Variants in SLC25A20 observed in about 807,000 individuals in gnomAD.
SLC25A20 encodes the protein mitochondrial carnitine/acylcarnitine carrier protein.
A neutral mutation model predicts 39.7 loss-of-function variants in SLC25A20; 29 were observed. The ratio of observed to expected loss-of-function variants is 0.73; its 90% CI spans 0.54 to 1.00. The LOEUF is 1.00. Among genes scored for constraint, SLC25A20 ranks in the 50% least tolerant of loss-of-function variants. SLC25A20 has a pLI of 0.00. For synonymous variants in SLC25A20, 103 were observed against 142.2 expected, an observed-to-expected ratio of 0.72 and a Z score of 1.96; for missense variants, 333 against 379.9, an observed-to-expected ratio of 0.88 and a Z score of 1.03.
chr3:48,865,371 C>T (rs2083658288), intron 4 of SLC25A20, among the ~76,000 whole-genome samples: 1 of 151,898 alleles, frequency 6.6e-6, no homozygotes, highest in South Asian at 2.1e-4. Flanking sequence ...CGTGATCCAT[C>T]CGCCTCGGCC....
chr3:48,898,815 C>G lies in SLC25A20; in HGVS notation c.-21G>C. On this transcript the variant is annotated 5_prime_UTR_variant, in exon 1 of 9. Coordinates refer to ENST00000319017, the MANE Select transcript of SLC25A20 (RefSeq NM_000387.6). Reference sequence around the variant, plus strand: ...GCCATGGTCAGTCCGTCTGTCACTCCGTCTGTCAGTTCTCGGGCCGTCCTG... The same window carrying G: ...GCCATGGTCAGTCCGTCTGTCACTCGGTCTGTCAGTTCTCGGGCCGTCCTG... 6.4e-7 allele frequency: 1 copy of G among 1,551,218 alleles called. No individual in the cohort carries two copies. The highest frequency in any genetic ancestry group is 8.7e-7 in the Non-Finnish European group (1 of 1,146,264).
At chr3:48,860,785 C>T (rs572921445) in intron 5 of SLC25A20, among the ~76,000 whole-genome samples, 7 of 147,386 alleles carry the variant, frequency 4.7e-5, no homozygotes, top group African/African-American at 1.7e-4. Context: ...AAGACTCTGT[C>T]TCAAAAAAAA....
chr3:48,860,646 G>C (rs557547551), intron 5 of SLC25A20, among the ~76,000 whole-genome samples: 1 of 151,192 alleles, frequency 6.6e-6, no homozygotes, highest in South Asian at 2.1e-4. Context: ...AAATTAGCCC[G>C]GCCTGGTGGC....
intron 2 of SLC25A20, among the ~76,000 whole-genome samples, chr3:48,890,145 C>G (rs551292429): frequency 6.6e-6 from 1 of 152,288 alleles, no homozygotes; most frequent in African/African-American, 2.4e-5. Context: ...CTCCCTGTGA[C>G]GCTGTGCTTC....
At chr3:48,857,905 T>C (rs1156433306) in intron 8 of SLC25A20, 133 bp from the exon 9 acceptor site, 4 of 720,590 alleles carry the variant, frequency 5.6e-6, no homozygotes, top group Non-Finnish European at 9.8e-6. Flanking sequence ...ACATCAAGGA[T>C]GCAAGCTCTA....
intron 4 of SLC25A20, among the ~76,000 whole-genome samples, chr3:48,872,687 CAAAAAAAA>C (rs551848720): frequency 3.0e-5 from 2 of 65,608 alleles, no homozygotes; most frequent in Non-Finnish European, 7.1e-5. Context: ...CCCATCCTTA[CAAAAAAAA>C]AAAAAAAAAG....
At chr3:48,891,177 C>T (rs560242255) in intron 2 of SLC25A20, among the ~76,000 whole-genome samples, 28 of 152,006 alleles carry the variant, frequency 1.8e-4, no homozygotes, top group Admixed American at 9.8e-4. Flanking sequence ...TGGGTTCAAG[C>T]GATTCTCGTG....
chr3:48,864,484 A>G (rs917532807), intron 4 of SLC25A20, among the ~76,000 whole-genome samples: 18 of 152,144 alleles, frequency 1.2e-4, no homozygotes, highest in African/African-American at 1.2e-4. Flanking sequence ...TCTAGTTGGG[A>G]AAAGTTTTCA....
intron 1 of SLC25A20, among the ~76,000 whole-genome samples, chr3:48,894,115 C>T (rs1315336591): frequency 1.4e-5 from 2 of 147,090 alleles, no homozygotes; most frequent in Admixed American, 6.9e-5. Context: ...GAGTCAAAAT[C>T]GCACCTTTGC....
At chr3:48,860,340 C>A (rs867098053) in intron 5 of SLC25A20, among the ~76,000 whole-genome samples, 1 of 149,998 alleles carries the variant, frequency 6.7e-6, no homozygotes, top group South Asian at 2.1e-4. Flanking sequence ...AATGGCCAAG[C>A]GTGGTGGCTC....
At position 48,857,390 on chromosome 3, in the gene SLC25A20, C is replaced by T; in HGVS notation, c.*320G>A. The T allele has an allele frequency of 2.8e-6, 1 of 359,464 alleles. No individual in the cohort carries two copies. The highest frequency in any genetic ancestry group is 6.1e-5 in the East Asian group (1 of 16,270). The allele number at this position is 359,464 out of a possible 1,614,324, so 22.3% of individuals were successfully genotyped here. ...CTCTCTTTAATGAGGAATACTTTGA[C>T]TGTGGTAGGACCAGCAGTTAACTGG... On this transcript the variant is annotated 3_prime_UTR_variant, in exon 9 of 9. Coordinates refer to ENST00000319017, the MANE Select transcript of SLC25A20 (RefSeq NM_000387.6).
intron 2 of SLC25A20, among the ~76,000 whole-genome samples, chr3:48,887,287 C>T (rs945171989): frequency 6.6e-6 from 1 of 152,160 alleles, no homozygotes; most frequent in Non-Finnish European, 1.5e-5. Flanking sequence ...CCTACAGACC[C>T]CTGCCTGGCA....
At chr3:48,888,292 C>A (rs1449354948) in intron 2 of SLC25A20, among the ~76,000 whole-genome samples, 1 of 151,586 alleles carries the variant, frequency 6.6e-6, no homozygotes, top group African/African-American at 2.4e-5. Flanking sequence ...TCTTCCTAAG[C>A]CAGATGCAGT....
At chr3:48,877,095 C>CA (rs998241132) in intron 4 of SLC25A20, among the ~76,000 whole-genome samples, 1 of 151,098 alleles carries the variant, frequency 6.6e-6, no homozygotes, top group Non-Finnish European at 1.5e-5. Context: ...GACCCTGTCT[C>CA]AAAAAAATAG....
At chr3:48,892,386 T>C (rs1490335624) in intron 1 of SLC25A20, among the ~76,000 whole-genome samples, 2 of 152,196 alleles carry the variant, frequency 1.3e-5, no homozygotes, top group Non-Finnish European at 2.9e-5. Context: ...TGTGTACAAG[T>C]TTTTTGTGTG....
intron 4 of SLC25A20, among the ~76,000 whole-genome samples, chr3:48,877,234 G>A (rs781012027): frequency 6.6e-6 from 1 of 152,010 alleles, no homozygotes; most frequent in Non-Finnish European, 1.5e-5. Context: ...GACCAATATG[G>A]AGAAACCCCA....
chr3:48,869,005 T>C (rs1192868722), intron 4 of SLC25A20, among the ~76,000 whole-genome samples: 1 of 152,166 alleles, frequency 6.6e-6, no homozygotes, highest in Non-Finnish European at 1.5e-5. Flanking sequence ...GTGGACACAC[T>C]GGAACTCCCA....
chr3:48,859,330 A>C, intron 6 of SLC25A20, 129 bp from the exon 7 acceptor site: 1 of 882,804 alleles, frequency 1.1e-6, no homozygotes, highest in South Asian at 1.4e-5. Context: ...GTATAAGGCC[A>C]GTGCTGCTGG....
chr3:48,868,136 G>A (rs2083686899), intron 4 of SLC25A20, among the ~76,000 whole-genome samples: 1 of 151,654 alleles, frequency 6.6e-6, no homozygotes, highest in African/African-American at 2.4e-5. Context: ...AAGGCATCTG[G>A]TGAAATCCTC....
Sources: allele counts gnomAD v4.1 joint callset (sites outside exome capture counted in the v4.1 genomes callset), GRCh38; gene constraint gnomAD v4.1.1; transcripts MANE v1.5; gene names NCBI Gene and HGNC (gene_info 2026-07-23, HGNC 2026-07-21).